The following LIPA variants were observed in gnomAD, a reference collection of about 807,000 sequenced individuals.
LIPA encodes the protein lipase A, lysosomal acid type.
LIPA carries 26 observed loss-of-function variants against 40.6 expected under a neutral mutation model. The ratio of observed to expected loss-of-function variants is 0.64; its 90% CI spans 0.47 to 0.89. The LOEUF (loss-of-function observed/expected upper bound fraction) is 0.89. LIPA is among the 40% of genes least tolerant of loss of function. The probability of loss-of-function intolerance (pLI) is 0.00; values close to 1 mark genes in which losing one functional copy is unlikely to be tolerated. For synonymous variants in LIPA, 188 were observed against 168.4 expected (o/e 1.12, Z -0.90); for missense variants, 455 against 479.6 (o/e 0.95, Z 0.48).
At chr10:89,321,410 G>A (rs977818498) in intron 1 of LIPA, among the ~76,000 whole-genome samples, 2 of 152,112 alleles carry the variant, frequency 1.3e-5, no homozygotes, top group Admixed American at 1.3e-4. Context: ...GTGGGCAAAG[G>A]CTATGAATGG....
At chr10:89,351,910 C>A (rs1268708510) in intron 2 of LIPA, among the ~76,000 whole-genome samples, 1 of 152,150 alleles carries the variant, frequency 6.6e-6, no homozygotes, top group East Asian at 1.9e-4. Context: ...CATCTGGAGA[C>A]AACGTCTGAG....
chr10:89,316,468 G>C (rs1286195475), intron 1 of LIPA, among the ~76,000 whole-genome samples: 1 of 152,210 alleles, frequency 6.6e-6, no homozygotes, highest in Admixed American at 6.5e-5. Context: ...CTTGCTCACT[G>C]CTGGCACAGC....
intron 1 of LIPA, among the ~76,000 whole-genome samples, chr10:89,286,626 G>A (rs1843342853): frequency 6.6e-6 from 1 of 152,128 alleles, no homozygotes; most frequent in African/African-American, 2.4e-5. Context: ...GGCTTGTTTG[G>A]CATCAACCCT....
chr10:89,378,073 C>T, intron 2 of LIPA: 9 of 1,584,054 alleles, frequency 5.7e-6, no homozygotes, highest in Non-Finnish European at 5.2e-6. Context: ...TGTGGATGAA[C>T]CTTGAAGGAG....
upstream of LIPA, among the ~76,000 whole-genome samples, chr10:89,346,992 G>GT (rs990745290): frequency 3.9e-5 from 6 of 152,104 alleles, no homozygotes; most frequent in East Asian, 1.9e-4. Flanking sequence ...CTGCTGCATT[G>GT]TTTTTTTCTA....
intron 1 of LIPA, among the ~76,000 whole-genome samples, chr10:89,319,827 T>TGGCAAACTGAA (rs1409758828): frequency 5.9e-5 from 9 of 152,174 alleles, no homozygotes; most frequent in African/African-American, 1.9e-4. Flanking sequence ...AATAAAATAC[T>TGGCAAACTGAA]GGCAAACTGA....
chr10:89,219,145 T>G (rs1283472878), intron 8 of LIPA, among the ~76,000 whole-genome samples: 4 of 152,102 alleles, frequency 2.6e-5, no homozygotes, highest in Admixed American at 2.0e-4. Flanking sequence ...TTTAAAAGCC[T>G]ACCAAAAGTA....
At chr10:89,261,547 A>C (rs1296101734) in intron 1 of LIPA, among the ~76,000 whole-genome samples, 3 of 152,226 alleles carry the variant, frequency 2.0e-5, no homozygotes, top group African/African-American at 7.2e-5. Context: ...TTAAAAAATC[A>C]GAAGAGCTCA....
intron 1 of LIPA, among the ~76,000 whole-genome samples, chr10:89,324,489 G>A (rs937252437): frequency 1.2e-4 from 18 of 152,028 alleles, no homozygotes; most frequent in African/African-American, 4.3e-4. Context: ...GACACCAAAA[G>A]CAACTACGAC....
intron 1 of LIPA, among the ~76,000 whole-genome samples, chr10:89,267,472 C>G (rs956968280): frequency 2.6e-5 from 4 of 150,998 alleles, no homozygotes; most frequent in Non-Finnish European, 4.4e-5. Flanking sequence ...AGTAAACTAT[C>G]GCAAGAACAA....
intron 2 of LIPA, among the ~76,000 whole-genome samples, chr10:89,395,820 GA>G (rs77969642): frequency 0.18 from 26,283 of 147,036 alleles, 2,913 homozygotes; most frequent in East Asian, 0.45. Context: ...ACAAAATTAG[GA>G]AAAAAAAAAA....
chr10:89,359,700 A>G (rs1844009071), intron 2 of LIPA, among the ~76,000 whole-genome samples: 1 of 152,186 alleles, frequency 6.6e-6, no homozygotes, highest in South Asian at 2.1e-4. Context: ...AAAATTTGAC[A>G]AAAGGGGAGC....
chr10:89,341,449 C>T (rs1193133266), intron 1 of LIPA, among the ~76,000 whole-genome samples: 2 of 152,196 alleles, frequency 1.3e-5, no homozygotes, highest in African/African-American at 4.8e-5. Context: ...TCCATGGACT[C>T]TTGAGATTAA....
chr10:89,281,152 T>C (rs1186459521), intron 1 of LIPA, among the ~76,000 whole-genome samples: 1 of 152,192 alleles, frequency 6.6e-6, no homozygotes, highest in African/African-American at 2.4e-5. Flanking sequence ...TTTAGGCAGG[T>C]TCCTTTTTAG....
intron 1 of LIPA, among the ~76,000 whole-genome samples, chr10:89,250,158 G>A (rs144428606): frequency 9.6e-4 from 133 of 138,458 alleles, no homozygotes; most frequent in African/African-American, 3.4e-3. Flanking sequence ...GGAGTACAGT[G>A]GCGAGATCTT....
chr10:89,240,589 G>T (rs1341993188), intron 3 of LIPA, among the ~76,000 whole-genome samples: 10 of 152,066 alleles, frequency 6.6e-5, no homozygotes, highest in Non-Finnish European at 4.4e-5. Context: ...TATTCTTCCT[G>T]TTTAATAATT....
intron 2 of LIPA, chr10:89,405,055 G>A (rs1258866416): frequency 6.6e-6 from 1 of 152,096 alleles, no homozygotes; most frequent in Non-Finnish European, 1.5e-5. Flanking sequence ...CAAAAATACT[G>A]TAATAAACAG....
At chr10:89,352,862 A>G (rs1403830926) in intron 2 of LIPA, among the ~76,000 whole-genome samples, 3 of 151,814 alleles carry the variant, frequency 2.0e-5, no homozygotes, top group Non-Finnish European at 4.4e-5. Flanking sequence ...GTGGGCCTCA[A>G]TATCTTTACC....
exon 2 of LIPA, chr10:89,412,805 T>A (rs1041465036): frequency 4.8e-6 from 2 of 412,682 alleles, no homozygotes; most frequent in African/African-American, 2.1e-5. Context: ...AGGAAGAAAC[T>A]CCAGACACAT....
Sources: gnomAD v4.1 joint callset for allele counts (sites outside exome capture counted in the v4.1 genomes callset) on GRCh38, gnomAD v4.1.1 for gene constraint, MANE v1.5 for transcripts, NCBI Gene and HGNC (gene_info 2026-07-23, HGNC 2026-07-21) for gene names.